The following PRKAR1B variants were observed in gnomAD, a reference collection of about 807,000 sequenced individuals.
The protein encoded by PRKAR1B is cAMP-dependent protein kinase type I-beta regulatory subunit.
PRKAR1B carries 22 observed loss-of-function variants against 46.5 expected under a neutral mutation model. That is an observed-to-expected ratio of 0.47 (90% CI 0.34 to 0.68). The LOEUF is 0.68. Among genes scored for constraint, PRKAR1B ranks in the 30% least tolerant of loss-of-function variants. The pLI is 0.01. For missense variants in PRKAR1B, 445 were observed against 535.6 expected, an observed-to-expected ratio of 0.83 and a Z score of 1.67; for synonymous variants, 259 against 217.7, an observed-to-expected ratio of 1.19 and a Z score of -1.67.
chr7:582,369 G>C (rs1346949651), intron 8 of PRKAR1B, among the ~76,000 whole-genome samples: 1 of 152,248 alleles, frequency 6.6e-6, no homozygotes, highest in Non-Finnish European at 1.5e-5. Flanking sequence ...ACGGCTTCAG[G>C]CTCATCCAGG....
chr7:550,825 C>G (rs562117863), intron 10 of PRKAR1B, among the ~76,000 whole-genome samples: 1 of 152,222 alleles, frequency 6.6e-6, no homozygotes, highest in Admixed American at 6.5e-5. Flanking sequence ...GTTCAGCTAG[C>G]CATTGTCCTG....
At chr7:580,202 G>C (rs967506373) in intron 8 of PRKAR1B, among the ~76,000 whole-genome samples, 3 of 148,456 alleles carry the variant, frequency 2.0e-5, no homozygotes, top group Non-Finnish European at 4.4e-5. Flanking sequence ...CTGCACTCCA[G>C]CTTGGGAGAC....
chr7:557,379 G>A (rs900915206), intron 9 of PRKAR1B, among the ~76,000 whole-genome samples: 6 of 152,246 alleles, frequency 3.9e-5, no homozygotes, highest in Admixed American at 6.5e-5. Flanking sequence ...ACATTTCTCC[G>A]TTCTTTCCAC....
In PRKAR1B at chr7:556,989, A is replaced by G. The variant is rs1282828160; in HGVS notation, c.892-5519T>C. Among the ~76,000 whole-genome samples, 7 of 152,258 alleles carry G rather than the reference A, an allele frequency of 4.6e-5. No homozygotes were observed. The South Asian group carries it at 1.0e-3, about 23-fold the overall frequency. ...CCACTCAGCTGCCCCTTGCCCTCCC[A>G]CAGCCGACCCCCACCTCTGACCTCC... On this transcript the variant is annotated intron_variant, in intron 9 of 10. Transcript: ENST00000537384.
intron 4 of PRKAR1B, among the ~76,000 whole-genome samples, chr7:676,078 G>A (rs955370675): frequency 2.6e-5 from 4 of 152,116 alleles, no homozygotes; most frequent in Non-Finnish European, 4.4e-5. Context: ...AGGACGCCCC[G>A]AGTATGGGAA....
chr7:608,274 G>C (rs1281808539), intron 4 of PRKAR1B: 4 of 152,192 alleles, frequency 2.6e-5, no homozygotes, highest in African/African-American at 9.7e-5. Flanking sequence ...CCCAGGCAGG[G>C]AGTGCACCCA....
chr7:725,503 A>G (rs556765515), intron 1 of PRKAR1B, among the ~76,000 whole-genome samples: 1 of 152,324 alleles, frequency 6.6e-6, no homozygotes, highest in South Asian at 2.1e-4. Flanking sequence ...CAAGGTCACT[A>G]CTGTGAAACA....
In PRKAR1B at chr7:602,919, C is replaced by T. The variant is rs1781725012; in HGVS notation, c.549+3274G>A. 6.6e-6 allele frequency among the ~76,000 whole-genome samples: 1 copy of T among 152,136 alleles called. No individual in the cohort carries two copies. The highest frequency in any genetic ancestry group is 2.1e-4 in the South Asian group (1 of 4,830). ...AACACAGCCTGGGTCCTCTGAGTCC[C>T]GAGTCCACGCGATCCTGACCCGTCC... On this transcript the variant is annotated intron_variant, in intron 6 of 10. Coordinates refer to ENST00000537384, the MANE Select transcript of PRKAR1B (RefSeq NM_001164760.2). The surrounding 1 kb of genome is among the most constrained non-coding windows in gnomAD (Gnocchi z 6.4).
At chr7:716,434 AG>A (rs1007774253) in intron 1 of PRKAR1B, among the ~76,000 whole-genome samples, 6 of 152,080 alleles carry the variant, frequency 3.9e-5, no homozygotes, top group African/African-American at 1.2e-4. Context: ...TCACCCTCCA[AG>A]ATTCAACCAA....
intron 2 of PRKAR1B, among the ~76,000 whole-genome samples, chr7:683,475 G>T (rs1391552915): frequency 6.6e-6 from 1 of 152,136 alleles, no homozygotes; most frequent in Non-Finnish European, 1.5e-5. Context: ...TGAGACCCCA[G>T]CCCGCCCTGG....
chr7:610,424 G>C (rs1019336933), intron 4 of PRKAR1B, among the ~76,000 whole-genome samples: 1 of 152,162 alleles, frequency 6.6e-6, no homozygotes, highest in African/African-American at 2.4e-5. Flanking sequence ...GGGTTGCTCC[G>C]TTGGCCACAC....
At chr7:616,872 G>C (rs1043477531) in intron 4 of PRKAR1B, among the ~76,000 whole-genome samples, 3 of 152,078 alleles carry the variant, frequency 2.0e-5, no homozygotes, top group Non-Finnish European at 4.4e-5. Context: ...GAAGCGCCTC[G>C]GGCCCTTTAT....
intron 9 of PRKAR1B, among the ~76,000 whole-genome samples, chr7:552,638 T>C (rs1253372407): frequency 6.9e-6 from 1 of 143,892 alleles, no homozygotes; most frequent in Admixed American, 6.9e-5. Flanking sequence ...CAGCTCCCAT[T>C]TTTGTTCAGA....
intron 4 of PRKAR1B, among the ~76,000 whole-genome samples, chr7:652,448 C>A (rs545671254): frequency 8.6e-5 from 13 of 151,206 alleles, no homozygotes; most frequent in Non-Finnish European, 1.8e-4. Flanking sequence ...AGTTCACACC[C>A]ACGCAGCGCT....
At chr7:652,549 C>A (rs1784968312) in intron 4 of PRKAR1B, among the ~76,000 whole-genome samples, 1 of 152,042 alleles carries the variant, frequency 6.6e-6, no homozygotes, top group Non-Finnish European at 1.5e-5. Flanking sequence ...AAGTTCATAC[C>A]CACGCAGTGC....
chr7:666,264 G>C lies in PRKAR1B; in HGVS notation c.440+10965C>G, dbSNP rs996547316. On this transcript the variant is annotated intron_variant, in intron 4 of 10. Coordinates refer to ENST00000537384, the MANE Select transcript of PRKAR1B (RefSeq NM_001164760.2). This position sits in a 1 kb window ranked among gnomAD's most constrained non-coding sequence, Gnocchi z 4.9. ...CAGCCTTCATGGTCCTGGCACATCA[G>C]AGAGCTCCGGAACATGCGGGGCTGC... 7.8e-6 allele frequency among the ~76,000 whole-genome samples: 1 copy of C among 128,346 alleles called. No homozygotes were observed. Among genetic ancestry groups the C allele is most frequent in the South Asian group, 2.2e-4 (1 of 4,562 alleles). The allele number at this position is 128,346 out of a possible 152,430, so 84.2% of individuals were successfully genotyped here.
chr7:713,945 CT>C (rs1293453734), intron 1 of PRKAR1B, among the ~76,000 whole-genome samples: 3 of 152,214 alleles, frequency 2.0e-5, no homozygotes, highest in Non-Finnish European at 4.4e-5. Flanking sequence ...CTGAGACTTT[CT>C]TAGGGATCCA....
chr7:644,622 G>A lies in PRKAR1B; in HGVS notation c.440+32607C>T, dbSNP rs530594603. Among the ~76,000 whole-genome samples the A allele has an allele frequency of 3.3e-5, 5 of 152,306 alleles. No individual in the cohort carries two copies. The highest frequency in any genetic ancestry group is 2.1e-4 in the South Asian group (1 of 4,830). ...AACTGGAAGGAAGCAATGCAGGGCCGTTCTCAGCCTCAGCAGCTGAGCGTC... is the reference window on the plus strand; with the variant it reads ...AACTGGAAGGAAGCAATGCAGGGCCATTCTCAGCCTCAGCAGCTGAGCGTC... On this transcript the variant is annotated intron_variant, in intron 4 of 10. Transcript: ENST00000537384. This position sits in a 1 kb window ranked among gnomAD's most constrained non-coding sequence, Gnocchi z 4.9.
intron 1 of PRKAR1B, 190 bp downstream of exon 1, chr7:727,020 G>C: frequency 8.3e-7 from 1 of 1,208,422 alleles, no homozygotes. Flanking sequence ...TGCACCTGCT[G>C]GATCTGGGCC....
Sources: allele counts gnomAD v4.1 joint callset (sites outside exome capture counted in the v4.1 genomes callset), GRCh38; gene constraint gnomAD v4.1.1; non-coding constraint Gnocchi (gnomAD v3.1); transcripts MANE v1.5; gene names NCBI Gene and HGNC (gene_info 2026-07-23, HGNC 2026-07-21).